Variants in UBE2F observed in about 807,000 individuals in gnomAD.
The protein encoded by UBE2F is ubiquitin conjugating enzyme E2 F (putative), also known as NEDD8-conjugating enzyme UBE2F.
In UBE2F, 5 loss-of-function variants were observed where a neutral mutation model predicts 29.6. The observed-to-expected ratio is 0.17, with a 90% CI of 0.09 to 0.36. The LOEUF (loss-of-function observed/expected upper bound fraction) is 0.36, where lower values mean the gene tolerates loss of function less well. Ranked by LOEUF, UBE2F falls within the 10% of genes least tolerant of loss-of-function variation. UBE2F has a pLI of 1.00. For synonymous variants in UBE2F, 66 were observed against 81.8 expected, an observed-to-expected ratio of 0.81 and a Z score of 1.04; for missense variants, 141 against 228.5, an observed-to-expected ratio of 0.62 and a Z score of 2.47.
chr2:238,032,101 AAAAC>A, intron 7 of UBE2F, 117 bp from the exon 8 acceptor site: 1 of 737,998 alleles, frequency 1.4e-6, no homozygotes, highest in Non-Finnish European at 2.3e-6. Flanking sequence ...TATCTTGAGA[AAAAC>A]AAACCATGCT....
chr2:238,032,284 T>C lies in UBE2F; in HGVS notation c.444+30T>C, dbSNP rs1290451803. 4 of 1,581,636 alleles carry C rather than the reference T, an allele frequency of 2.5e-6. No individual in the cohort carries two copies. The East Asian group carries it at 8.9e-5, about 35-fold the overall frequency. On this transcript the variant is annotated intron_variant, in intron 8 of 9. Transcript: ENST00000272930. ...GTACAGTGATCAAAATCCCAAGTTA[T>C]TCTCAATTTCCTTGTTGCTGGTTTT...
At chr2:237,977,209 A>G (rs2106328606) in intron 2 of UBE2F, among the ~76,000 whole-genome samples, 1 of 150,240 alleles carries the variant, frequency 6.7e-6, no homozygotes, top group East Asian at 1.9e-4. Context: ...GCAACCCATC[A>G]AGAACAAGAA....
intron 4 of UBE2F, among the ~76,000 whole-genome samples, chr2:238,011,320 C>T (rs1446152162): frequency 6.6e-6 from 1 of 152,190 alleles, no homozygotes; most frequent in Admixed American, 6.5e-5. Context: ...CCGTACCCAC[C>T]CTGTTTCATC....
chr2:237,985,550 C>T (rs2063464589), intron 2 of UBE2F, among the ~76,000 whole-genome samples: 1 of 152,222 alleles, frequency 6.6e-6, no homozygotes, highest in Admixed American at 6.5e-5. Context: ...TAAGGCTGAA[C>T]AATGTTCCAA....
chr2:238,011,311 C>T (rs975337521), intron 4 of UBE2F, among the ~76,000 whole-genome samples: 3 of 152,200 alleles, frequency 2.0e-5, no homozygotes, highest in Non-Finnish European at 2.9e-5. Context: ...GGCCTCTTAC[C>T]GTACCCACCC....
chr2:238,026,589 A>G (rs2106398895), intron 6 of UBE2F, among the ~76,000 whole-genome samples: 1 of 152,030 alleles, frequency 6.6e-6, no homozygotes, highest in South Asian at 2.1e-4. Flanking sequence ...GCCTACCACT[A>G]CGCCCGGCTA....
intron 5 of UBE2F, among the ~76,000 whole-genome samples, chr2:238,023,555 A>G (rs573017007): frequency 6.6e-6 from 1 of 152,258 alleles, no homozygotes; most frequent in Non-Finnish European, 1.5e-5. Context: ...TGGATGGTGA[A>G]GTATTTTCTA....
Position 238,030,620 on chromosome 2 carries a change from T to C in UBE2F, c.411+7T>C, listed in dbSNP as rs1377696873. On this transcript the variant is annotated splice_region_variant and intron_variant, in intron 7 of 9. Coordinates refer to ENST00000272930, the MANE Select transcript of UBE2F (RefSeq NM_080678.3). ...TCCCACAAGAACATTAAAGGTAGAG[T>C]CTGTGCCTTGATCTTGATCATAAGT... is the stretch of plus-strand genomic sequence containing the variant. 2.5e-6 allele frequency: 4 copies of C among 1,609,864 alleles called. No homozygotes were observed. The highest frequency in any genetic ancestry group is 3.4e-6 in the Non-Finnish European group (4 of 1,176,476).
At chr2:238,005,184 C>A (rs970878300) in intron 4 of UBE2F, among the ~76,000 whole-genome samples, 4 of 152,112 alleles carry the variant, frequency 2.6e-5, no homozygotes, top group African/African-American at 4.8e-5. Context: ...CAAAGATTTT[C>A]TCTTATTTTT....
At chr2:237,988,615 T>TAA (rs35898026) in intron 3 of UBE2F, among the ~76,000 whole-genome samples, 109 of 128,058 alleles carry the variant, frequency 8.5e-4, no homozygotes, top group African/African-American at 2.6e-3. Flanking sequence ...GACTCTGTCT[T>TAA]AAAAAAAAAA....
At chr2:238,020,420 A>T (rs972349613) in intron 5 of UBE2F, among the ~76,000 whole-genome samples, 2 of 152,172 alleles carry the variant, frequency 1.3e-5, no homozygotes, top group Non-Finnish European at 2.9e-5. Context: ...GTGAGAACGG[A>T]TACAGCAGCC....
At chr2:238,023,493 TAAATAA>T (rs2106393860) in intron 5 of UBE2F, among the ~76,000 whole-genome samples, 1 of 152,116 alleles carries the variant, frequency 6.6e-6, no homozygotes, top group African/African-American at 2.4e-5. Flanking sequence ...TTTATACAAA[TAAATAA>T]AAAGATGAAA....
At chr2:237,995,481 G>A (rs559743653) in intron 4 of UBE2F, among the ~76,000 whole-genome samples, 8 of 152,358 alleles carry the variant, frequency 5.3e-5, no homozygotes, top group Non-Finnish European at 8.8e-5. Context: ...TGGACAGTGG[G>A]TGGCAACCGG....
chr2:238,006,817 A>G lies in UBE2F; in HGVS notation c.215-9749A>G, dbSNP rs183334349. Among the ~76,000 whole-genome samples, 818 of 142,730 alleles carry G rather than the reference A, an allele frequency of 5.7e-3. 4 individuals are homozygous for G. Among genetic ancestry groups the G allele is most frequent in the Non-Finnish European group, 8.9e-3 (592 of 66,802 alleles). The allele number at this position is 142,730 out of a possible 152,430, so 93.6% of individuals were successfully genotyped here. ...GTTTCCCAGGCTGGAGTACAATGGC[A>G]TGATCTCAGCTCACCACAACCTCCA... is the stretch of plus-strand genomic sequence containing the variant. On this transcript the variant is annotated intron_variant, in intron 4 of 9. Coordinates refer to ENST00000272930, the MANE Select transcript of UBE2F (RefSeq NM_080678.3).
chr2:238,022,551 A>G (rs906503416), intron 5 of UBE2F, among the ~76,000 whole-genome samples: 1 of 152,036 alleles, frequency 6.6e-6, no homozygotes, highest in Non-Finnish European at 1.5e-5. Flanking sequence ...TGAGTTTTGT[A>G]TGTTATGATA....
intron 3 of UBE2F, among the ~76,000 whole-genome samples, chr2:237,988,986 A>C: frequency 6.6e-6 from 1 of 152,340 alleles, no homozygotes; most frequent in East Asian, 1.9e-4. Flanking sequence ...TCACTTTTGT[A>C]ATACATGTCG....
At chr2:238,030,516 G>A (rs1329689067) in intron 6 of UBE2F, 40 bp from the exon 7 acceptor site, 3 of 1,533,012 alleles carry the variant, frequency 2.0e-6, no homozygotes, top group African/African-American at 1.4e-5. Context: ...GGGCACCTGT[G>A]GCTGCTCCTC....
intron 2 of UBE2F, among the ~76,000 whole-genome samples, chr2:237,978,188 C>T (rs1026144940): frequency 2.0e-5 from 3 of 152,186 alleles, no homozygotes; most frequent in African/African-American, 7.2e-5. Flanking sequence ...GTGTGGAGTG[C>T]AGGTCTGTGC....
At chr2:238,025,580 C>A (rs1275848482) in intron 6 of UBE2F, among the ~76,000 whole-genome samples, 168 bp downstream of exon 6, 8 of 152,186 alleles carry the variant, frequency 5.3e-5, no homozygotes, top group African/African-American at 1.9e-4. Context: ...CCAAACCCTA[C>A]CCTACCTTCT....
Sources: gnomAD v4.1 joint callset for allele counts (sites outside exome capture counted in the v4.1 genomes callset) on GRCh38, gnomAD v4.1.1 for gene constraint, MANE v1.5 for transcripts, NCBI Gene and HGNC (gene_info 2026-07-23, HGNC 2026-07-21) for gene names.